The following TRPM3 variants were observed in gnomAD, a reference collection of about 807,000 sequenced individuals.
The protein encoded by TRPM3 is transient receptor potential cation channel subfamily M member 3.
TRPM3 carries 77 observed loss-of-function variants against 181.2 expected under a neutral mutation model. The observed-to-expected ratio is 0.42, with a 90% confidence interval of 0.35 to 0.51. TRPM3 has a LOEUF of 0.51. TRPM3 is among the 20% of genes least tolerant of loss of function. The pLI is 0.01. For missense variants in TRPM3, 1,759 were observed against 2,196.7 expected, an observed-to-expected ratio of 0.80 and a Z score of 3.98; for synonymous variants, 745 against 796.4, an observed-to-expected ratio of 0.94 and a Z score of 1.09.
At chr9:70,974,071 A>G (rs1318772768) in intron 1 of TRPM3, among the ~76,000 whole-genome samples, 1 of 152,224 alleles carries the variant, frequency 6.6e-6, no homozygotes, top group Non-Finnish European at 1.5e-5. Flanking sequence ...AAAGAAACCA[A>G]CAGGCTAATC....
At position 71,420,962 on chromosome 9, in the gene TRPM3, AAAGG is replaced by A. The variant is rs1261248824; in HGVS notation, c.183+25687_183+25690del. Among the ~76,000 whole-genome samples the A allele has an allele frequency of 1.4e-5, 2 of 143,652 alleles. 1 individual carries two copies. Among genetic ancestry groups the A allele is most frequent in the African/African-American group, 5.3e-5 (2 of 37,542 alleles). 94.2% of individuals were successfully genotyped at this position (143,652 alleles called of 152,430 possible). A position where few individuals can be genotyped will look rare whatever the true frequency, so the allele number is the denominator to read the frequency against. ...AAAAGGGAGAGAAAAAGGGAGAGAA[AAAGG>A]GAGAGAAAAAGAGAGAGAAAAAGAG... On this transcript the variant is annotated intron_variant, in intron 1 of 24. Coordinates refer to the TRPM3 transcript ENST00000357533.
chr9:70,684,324 G>C (rs1198153995), intron 8 of TRPM3, among the ~76,000 whole-genome samples: 1 of 152,092 alleles, frequency 6.6e-6, no homozygotes, highest in Non-Finnish European at 1.5e-5. Flanking sequence ...CCGATGTGGG[G>C]GCAATGACTG....
intron 1 of TRPM3, among the ~76,000 whole-genome samples, chr9:70,912,578 A>G (rs946655067): frequency 6.6e-6 from 1 of 152,194 alleles, no homozygotes; most frequent in Non-Finnish European, 1.5e-5. Context: ...ATGTGAAAAC[A>G]TGTTTGGGTA....
At chr9:71,354,276 A>G (rs568126158) in intron 1 of TRPM3, among the ~76,000 whole-genome samples, 38 of 152,310 alleles carry the variant, frequency 2.5e-4, no homozygotes, top group Non-Finnish European at 4.6e-4. Context: ...TCGTCCTGTA[A>G]TAAGTGAGGA....
At chr9:71,032,203 A>G (rs1284156615) in intron 1 of TRPM3, among the ~76,000 whole-genome samples, 1 of 129,036 alleles carries the variant, frequency 7.7e-6, no homozygotes, top group Non-Finnish European at 1.6e-5. Context: ...TATAATATAT[A>G]ATATATAGCA....
chr9:71,163,079 G>C (rs1252911563), intron 1 of TRPM3, among the ~76,000 whole-genome samples: 1 of 152,190 alleles, frequency 6.6e-6, no homozygotes, highest in Non-Finnish European at 1.5e-5. Flanking sequence ...AAGGTCTTAT[G>C]TTCATGCTAA....
chr9:70,899,295 C>T (rs1328569365), intron 1 of TRPM3, among the ~76,000 whole-genome samples: 1 of 152,182 alleles, frequency 6.6e-6, no homozygotes, highest in Non-Finnish European at 1.5e-5. Context: ...AGTGATCTTA[C>T]TGTTACTGTT....
At chr9:71,206,980 G>GT (rs2079163444) in intron 1 of TRPM3, among the ~76,000 whole-genome samples, 1 of 152,062 alleles carries the variant, frequency 6.6e-6, no homozygotes, top group Non-Finnish European at 1.5e-5. Flanking sequence ...CTCATGGGAT[G>GT]TTCTCTTTAT....
intron 9 of TRPM3, among the ~76,000 whole-genome samples, chr9:70,659,154 C>T (rs992911781): frequency 5.9e-5 from 9 of 152,100 alleles, no homozygotes; most frequent in Admixed American, 5.2e-4. Flanking sequence ...TAGGACACAA[C>T]TGGAGAACCT....
At chr9:70,947,773 C>T (rs1294240456) in intron 1 of TRPM3, among the ~76,000 whole-genome samples, 4 of 152,038 alleles carry the variant, frequency 2.6e-5, no homozygotes, top group Non-Finnish European at 4.4e-5. Flanking sequence ...GTTGGACTTA[C>T]GTATGAGAAT....
At chr9:70,971,146 A>C (rs1267138939) in intron 1 of TRPM3, among the ~76,000 whole-genome samples, 2 of 152,176 alleles carry the variant, frequency 1.3e-5, no homozygotes, top group African/African-American at 4.8e-5. Context: ...TCTGAAAAAC[A>C]CTGAATTATA....
chr9:70,929,495 C>T (rs937951762), intron 1 of TRPM3, among the ~76,000 whole-genome samples: 21 of 152,194 alleles, frequency 1.4e-4, no homozygotes, highest in Middle Eastern at 3.4e-3. Flanking sequence ...ACCCACCGGC[C>T]TTTTTAAAAT....
At chr9:71,046,353 G>A (rs2059438929) in intron 1 of TRPM3, among the ~76,000 whole-genome samples, 2 of 152,072 alleles carry the variant, frequency 1.3e-5, no homozygotes, top group African/African-American at 4.8e-5. Context: ...CATTTCTAAG[G>A]AATTCATGCT....
chr9:71,059,314 C>T (rs748287710), intron 1 of TRPM3, among the ~76,000 whole-genome samples: 1 of 151,744 alleles, frequency 6.6e-6, no homozygotes, highest in Admixed American at 6.6e-5. Flanking sequence ...AGTATATATG[C>T]CCAATGCAAA....
rs150987390 is a variant in TRPM3, at chr9:71,330,859, T to C, written c.183+115794A>G. ...GTCAAAAGGGAACCACAGTCTTTCC[T>C]GGTGGGGTTTCCATAGCCTCAGGAG... On this transcript the variant is annotated intron_variant, in intron 1 of 24. Coordinates refer to the TRPM3 transcript ENST00000357533. Among the ~76,000 whole-genome samples, 36 of 151,838 alleles carry C rather than the reference T, an allele frequency of 2.4e-4. 2 individuals are homozygous for C. In the East Asian group the frequency reaches 6.8e-3, roughly 29 times the overall value.
At chr9:70,743,018 TCA>T (rs1210513062) in intron 8 of TRPM3, among the ~76,000 whole-genome samples, 1 of 152,186 alleles carries the variant, frequency 6.6e-6, no homozygotes, top group Admixed American at 6.6e-5. Context: ...GAGGCAGCCT[TCA>T]CACTATATCT....
intron 1 of TRPM3, among the ~76,000 whole-genome samples, chr9:71,357,322 T>G (rs2091943989): frequency 6.6e-6 from 1 of 152,152 alleles, no homozygotes; most frequent in Admixed American, 6.6e-5. Context: ...GAAACCAAAG[T>G]TGTGATATTT....
chr9:70,568,218 GA>G (rs371472512), intron 22 of TRPM3, among the ~76,000 whole-genome samples: 326 of 152,290 alleles, frequency 2.1e-3, no homozygotes, highest in Non-Finnish European at 3.4e-3. Context: ...AAATGGCTGA[GA>G]TTTTTTTATA....
chr9:71,439,327 A>T (rs898958575), intron 1 of TRPM3, among the ~76,000 whole-genome samples: 6 of 152,256 alleles, frequency 3.9e-5, no homozygotes, highest in African/African-American at 1.4e-4. Context: ...CATTGTAACA[A>T]GTCTAGTCAA....
Sources: gnomAD v4.1 joint callset for allele counts (sites outside exome capture counted in the v4.1 genomes callset) on GRCh38, gnomAD v4.1.1 for gene constraint, MANE v1.5 for transcripts, NCBI Gene and HGNC (gene_info 2026-07-23, HGNC 2026-07-21) for gene names.